GLRA3: variants seen among roughly 807,000 people sequenced by gnomAD.
GLRA3 encodes the protein glycine receptor alpha 3.
In GLRA3, 44 loss-of-function variants were observed where a neutral mutation model predicts 60.4. The observed-to-expected ratio is 0.73, with a 90% CI of 0.57 to 0.94. GLRA3 has a LOEUF of 0.94. Ranked by LOEUF, GLRA3 falls within the 40% of genes least tolerant of loss-of-function variation. The probability of loss-of-function intolerance (pLI) is 0.00; values close to 1 mark genes in which losing one functional copy is unlikely to be tolerated. For missense variants in GLRA3, 508 were observed against 564.6 expected (o/e 0.90, Z 1.02); for synonymous variants, 223 against 192.9 (o/e 1.16, Z -1.29).
chr4:174,705,062 G>T (rs1421545177), intron 5 of GLRA3, among the ~76,000 whole-genome samples: 1 of 143,972 alleles, frequency 6.9e-6, no homozygotes, highest in Admixed American at 7.1e-5. Flanking sequence ...CTTGAAAATG[G>T]TTAAGATGGT....
chr4:174,650,035 T>C lies in GLRA3; in HGVS notation c.1117-5971A>G, dbSNP rs142498695. The stretch of plus-strand genomic sequence containing the variant: ...ACCAAGCAGAAAGTCAGGGAAGAGT[T>C]TGGAAACTAGTGGCACCTGTGACTA... On this transcript the variant is annotated intron_variant, in intron 9 of 9. Transcript: ENST00000274093. 6.8e-3 allele frequency among the ~76,000 whole-genome samples: 1,031 copies of C among 152,186 alleles called. 4 individuals are homozygous for C. The highest frequency in any genetic ancestry group is 0.011 in the South Asian group (53 of 4,820).
rs1463605581 is a variant in GLRA3 at position 174,640,527 on chromosome 4, G to C, written c.*3259C>G. 6.6e-6 allele frequency: 1 copy of C among 151,956 alleles called. No individual in the cohort carries two copies. Among genetic ancestry groups the C allele is most frequent in the Non-Finnish European group, 1.5e-5 (1 of 67,956 alleles). 9.4% of individuals were successfully genotyped at this position (151,956 alleles called of 1,614,324 possible). A position where few individuals can be genotyped will look rare whatever the true frequency, so the allele number is the denominator to read the frequency against. On this transcript the variant is annotated 3_prime_UTR_variant, in exon 10 of 10. Coordinates refer to ENST00000274093, the MANE Select transcript of GLRA3 (RefSeq NM_006529.4). ...TGGAATAAAAAATGTTCAGAAAAAG[G>C]GATGTATAGTATGGAAGATACATCT...
chr4:174,778,518 T>C (rs1370236284), intron 2 of GLRA3, among the ~76,000 whole-genome samples: 1 of 152,050 alleles, frequency 6.6e-6, no homozygotes, highest in Non-Finnish European at 1.5e-5. Context: ...GCTCCCAGCG[T>C]GACCGATGCA....
rs182695303 is a variant in GLRA3, at chr4:174,791,406, T to G, written c.72-2463A>C. On this transcript the variant is annotated intron_variant, in intron 1 of 9. Coordinates refer to ENST00000274093, the MANE Select transcript of GLRA3 (RefSeq NM_006529.4). ...GTGAACTGATTCCAGACTTCTGGCCTGCAGAACTGTTAGAGAATAGATTTC... is the reference window on the plus strand; with the variant it reads ...GTGAACTGATTCCAGACTTCTGGCCGGCAGAACTGTTAGAGAATAGATTTC... 3.0e-3 allele frequency among the ~76,000 whole-genome samples: 457 copies of G among 152,290 alleles called. 5 individuals are homozygous for G. The highest frequency in any genetic ancestry group is 0.01 in the African/African-American group (426 of 41,570).
Position 174,682,896 on chromosome 4 carries a change from C to T in GLRA3, c.618G>A (p.Glu206=), listed in dbSNP as rs140655344. Residue 206 remains glutamate (E), a synonymous_variant, in exon 6 of 10, where the codon GAG becomes GAA. Transcript: ENST00000274093. ...GTCCTTCTGCCACTTGTACGGGTGC[C>T]TCATCTTGCCATTCAAAAATGAGAT... is the stretch of plus-strand genomic sequence containing the variant. ...MNDLIFEWQD[E]APVQVAEGLT... is the part of the protein sequence containing the mutation. The T allele has an allele frequency of 8.2e-4, 1,329 of 1,612,884 alleles. 12 individuals carry two copies. The African/African-American group carries it at 0.015, about 18-fold the overall frequency.
chr4:174,753,568 A>C (rs950586776), intron 3 of GLRA3, among the ~76,000 whole-genome samples: 4 of 152,152 alleles, frequency 2.6e-5, no homozygotes, highest in African/African-American at 9.7e-5. Flanking sequence ...TCTTAGAAAA[A>C]TGTGATGATG....
intron 1 of GLRA3, among the ~76,000 whole-genome samples, chr4:174,799,331 G>A (rs534507969): frequency 6.6e-6 from 1 of 152,114 alleles, no homozygotes; most frequent in African/African-American, 2.4e-5. Flanking sequence ...AACTAGAAAA[G>A]GTTCTTTAAA....
intron 5 of GLRA3, among the ~76,000 whole-genome samples, chr4:174,704,103 T>G (rs2111058075): frequency 6.9e-6 from 1 of 143,932 alleles, no homozygotes; most frequent in Admixed American, 7.1e-5. Context: ...GAGACCAACC[T>G]GGGCAACATG....
chr4:174,776,766 T>C (rs764653137), intron 2 of GLRA3, among the ~76,000 whole-genome samples: 2 of 152,176 alleles, frequency 1.3e-5, no homozygotes, highest in Non-Finnish European at 2.9e-5. Flanking sequence ...ATTGTTACTA[T>C]TGTCATAAAT....
At chr4:174,737,091 T>A (rs1736823939) in intron 3 of GLRA3, among the ~76,000 whole-genome samples, 1 of 152,202 alleles carries the variant, frequency 6.6e-6, no homozygotes. Context: ...AATCAGTGTT[T>A]TTTTTAAAAT....
chr4:174,746,012 G>A (rs1737231350), intron 3 of GLRA3, among the ~76,000 whole-genome samples: 4 of 152,168 alleles, frequency 2.6e-5, no homozygotes, highest in Admixed American at 2.0e-4. Context: ...TGGTGAGGAC[G>A]CAGAGAAAAG....
At chr4:174,796,462 A>T (rs149157057) in intron 1 of GLRA3, among the ~76,000 whole-genome samples, 3 of 152,218 alleles carry the variant, frequency 2.0e-5, no homozygotes, top group East Asian at 3.9e-4. Context: ...CATTTTTTAC[A>T]CAAAAGAATT....
intron 1 of GLRA3, among the ~76,000 whole-genome samples, chr4:174,816,058 A>G (rs1317556858): frequency 2.6e-5 from 4 of 152,182 alleles, no homozygotes; most frequent in Non-Finnish European, 5.9e-5. Context: ...CAGCCAAACC[A>G]TATCCCTTGA....
At chr4:174,693,538 C>T (rs995180446) in intron 5 of GLRA3, among the ~76,000 whole-genome samples, 1 of 152,044 alleles carries the variant, frequency 6.6e-6, no homozygotes, top group African/African-American at 2.4e-5. Context: ...TGTACCAGTA[C>T]CCTGCTCTTT....
At chr4:174,816,249 G>A (rs1339235151) in intron 1 of GLRA3, among the ~76,000 whole-genome samples, 1 of 152,162 alleles carries the variant, frequency 6.6e-6, no homozygotes, top group Non-Finnish European at 1.5e-5. Context: ...TCTTCAGTGT[G>A]TGAGCTGGGG....
intron 2 of GLRA3, among the ~76,000 whole-genome samples, chr4:174,778,904 G>A (rs1317799740): frequency 1.3e-5 from 2 of 152,168 alleles, no homozygotes; most frequent in South Asian, 2.1e-4. Context: ...AGGGGCGCCC[G>A]CCATTGCCCA....
chr4:174,730,158 T>A (rs77925871), intron 3 of GLRA3, among the ~76,000 whole-genome samples: 7,571 of 152,238 alleles, frequency 0.05, 215 homozygotes, highest in South Asian at 0.1. Context: ...GAAATCTCAC[T>A]CGCCACAAGG....
chr4:174,735,150 G>T (rs1435720662), intron 3 of GLRA3, among the ~76,000 whole-genome samples: 1 of 149,548 alleles, frequency 6.7e-6, no homozygotes, highest in Non-Finnish European at 1.5e-5. Context: ...TCTGCTAATT[G>T]TATGACTAAT....
At chr4:174,798,696 G>T (rs773972793) in intron 1 of GLRA3, among the ~76,000 whole-genome samples, 1 of 152,182 alleles carries the variant, frequency 6.6e-6, no homozygotes, top group Non-Finnish European at 1.5e-5. Flanking sequence ...AGGCCAAGGC[G>T]GGCGGATCAC....
Sources: allele counts gnomAD v4.1 joint callset (sites outside exome capture counted in the v4.1 genomes callset), GRCh38; gene constraint gnomAD v4.1.1; transcripts MANE v1.5; gene names NCBI Gene and HGNC (gene_info 2026-07-23, HGNC 2026-07-21).